The following PPM1G variants were observed in gnomAD, a reference collection of about 807,000 sequenced individuals.
PPM1G encodes protein phosphatase, Mg2+/Mn2+ dependent 1G, also known as protein phosphatase 1G.
A neutral mutation model predicts 59.4 loss-of-function variants in PPM1G; 12 were observed. The ratio of observed to expected loss-of-function variants is 0.20; its 90% CI spans 0.13 to 0.33. The LOEUF (loss-of-function observed/expected upper bound fraction) is 0.33. Among genes scored for constraint, PPM1G ranks in the 10% least tolerant of loss-of-function variants. The pLI, the probability that PPM1G is intolerant of heterozygous loss-of-function variation, is 1.00. For missense variants in PPM1G, 392 were observed against 681.3 expected (o/e 0.58, Z 4.73); for synonymous variants, 245 against 251.9 (o/e 0.97, Z 0.26).
chr2:27,400,264 T>G (rs1684151718), intron 1 of PPM1G, among the ~76,000 whole-genome samples: 1 of 151,808 alleles, frequency 6.6e-6, no homozygotes, highest in South Asian at 2.1e-4. Context: ...TAGCCGGGTG[T>G]GATGGTGGGT....
In PPM1G at chr2:27,385,097, A is replaced by G; in HGVS notation, c.410-9T>C. 6.3e-7 allele frequency: 1 copy of G among 1,583,162 alleles called. No homozygotes were observed. The highest frequency in any genetic ancestry group is 8.6e-7 in the Non-Finnish European group (1 of 1,166,916). ...AGCCTCCTCATTGTCCACTGCAGGG[A>G]AGAGGCTAAATCAGAGCCCCCATGC... On this transcript the variant is annotated splice_polypyrimidine_tract_variant and intron_variant, in intron 4 of 9. Transcript: ENST00000344034. The surrounding 1 kb of genome is among the most constrained non-coding windows in gnomAD (Gnocchi z 4.1).
At chr2:27,389,287 T>A (rs1683843270) in intron 1 of PPM1G, among the ~76,000 whole-genome samples, 1 of 152,234 alleles carries the variant, frequency 6.6e-6, no homozygotes, top group African/African-American at 2.4e-5. Context: ...TATTCTGCTC[T>A]GAAATTTAGC....
chr2:27,404,688 T>C (rs1215777885), intron 1 of PPM1G, among the ~76,000 whole-genome samples: 3 of 152,072 alleles, frequency 2.0e-5, no homozygotes, highest in African/African-American at 7.2e-5. Flanking sequence ...CTCACGCCTG[T>C]AATGCCAGCA....
intron 1 of PPM1G, among the ~76,000 whole-genome samples, chr2:27,387,715 G>A (rs1469676001): frequency 6.6e-6 from 1 of 152,140 alleles, no homozygotes. Flanking sequence ...TGGTCAGGCT[G>A]GTCTCGAACT....
At chr2:27,408,023 G>C (rs775120179) in intron 1 of PPM1G, among the ~76,000 whole-genome samples, 2 of 151,638 alleles carry the variant, frequency 1.3e-5, no homozygotes, top group Non-Finnish European at 2.9e-5. Context: ...TTCCAGCCTG[G>C]GCAACAAGAG....
chr2:27,401,624 G>C (rs889344080), intron 1 of PPM1G, among the ~76,000 whole-genome samples: 12 of 152,124 alleles, frequency 7.9e-5, no homozygotes, highest in African/African-American at 2.7e-4. Context: ...CCAGGAGTTC[G>C]AGACCAGCCT....
Position 27,386,177 on chromosome 2 carries a change from G to A in PPM1G, c.276+17C>T, listed in dbSNP as rs373452471. 55 of 1,593,040 alleles carry A rather than the reference G, an allele frequency of 3.5e-5. 1 individual carries two copies. In the East Asian group the frequency reaches 5.1e-4, roughly 15 times the overall value. On this transcript the variant is annotated intron_variant, in intron 3 of 9. Coordinates refer to ENST00000344034, the MANE Select transcript of PPM1G (RefSeq NM_177983.3). ...AAGCCTACACAAGTGAGGAATGGGC[G>A]GTGTAAGCAGACAGACCTTCTGTAG...
At chr2:27,400,331 G>A (rs1335569156) in intron 1 of PPM1G, among the ~76,000 whole-genome samples, 1 of 152,192 alleles carries the variant, frequency 6.6e-6, no homozygotes, top group Non-Finnish European at 1.5e-5. Context: ...TAACCCAGAA[G>A]GTGGAGGTTG....
intron 1 of PPM1G, among the ~76,000 whole-genome samples, chr2:27,407,543 A>T (rs554243169): frequency 3.2e-4 from 49 of 152,156 alleles, no homozygotes; most frequent in Non-Finnish European, 7.2e-4. Flanking sequence ...CTGGGATTAC[A>T]GACGTGAGCC....
intron 1 of PPM1G, among the ~76,000 whole-genome samples, chr2:27,398,454 C>G (rs1684102078): frequency 6.7e-6 from 1 of 148,744 alleles, no homozygotes; most frequent in African/African-American, 2.4e-5. Context: ...AGCTTCTTAA[C>G]AAAAACAAAC....
At chr2:27,390,403 TAC>T (rs1683870741) in intron 1 of PPM1G, among the ~76,000 whole-genome samples, 1 of 152,200 alleles carries the variant, frequency 6.6e-6, no homozygotes, top group South Asian at 2.1e-4. Context: ...AAGGTCTTAC[TAC>T]ACAGAGAATG....
At chr2:27,398,649 C>A (rs1231366685) in intron 1 of PPM1G, among the ~76,000 whole-genome samples, 1 of 151,754 alleles carries the variant, frequency 6.6e-6, no homozygotes, top group Non-Finnish European at 1.5e-5. Context: ...TGGTGAAACC[C>A]CGTCTCTACT....
intron 1 of PPM1G, among the ~76,000 whole-genome samples, chr2:27,387,876 G>A (rs1683807807): frequency 6.6e-6 from 1 of 152,064 alleles, no homozygotes; most frequent in African/African-American, 2.4e-5. Context: ...TCTGCTCACT[G>A]CAAGCTTCGC....
chr2:27,388,783 G>C (rs1010637756), intron 1 of PPM1G, among the ~76,000 whole-genome samples: 19 of 138,836 alleles, frequency 1.4e-4, no homozygotes, highest in African/African-American at 4.7e-4. Context: ...GCTGAGGCAG[G>C]AGAATGGCGT....
rs999668088 is a variant in PPM1G at position 27,409,550 on chromosome 2, G to A, written c.-128C>T. 8 of 1,220,560 alleles carry A rather than the reference G, an allele frequency of 6.6e-6. No homozygotes were observed. The highest frequency in any genetic ancestry group is 4.3e-5 in the Admixed American group (1 of 23,388). 75.6% of individuals were successfully genotyped at this position (1,220,560 alleles called of 1,614,324 possible). ...CGACCGACGCAAGGTGCCGGTGAAA[G>A]GCGCGAGGCCGGCCAGGAGGCGGTA... On this transcript the variant is annotated 5_prime_UTR_variant, in exon 1 of 10. Coordinates refer to ENST00000344034, the MANE Select transcript of PPM1G (RefSeq NM_177983.3).
At chr2:27,393,178 T>G in intron 1 of PPM1G, 1 of 1,500,630 alleles carries the variant, frequency 6.7e-7, no homozygotes, top group Non-Finnish European at 9.2e-7. Context: ...GCATGTTCCC[T>G]CTCCTCATGA....
Position 27,384,111 on chromosome 2 carries a change from C to T in PPM1G, c.826-19G>A, listed in dbSNP as rs377406603. The T allele has an allele frequency of 4.6e-5, 75 of 1,613,968 alleles. No homozygotes were observed. In the African/African-American group the frequency reaches 7.3e-4, roughly 16 times the overall value. ...TGCATTCCTGCCAGGGGGAGGATCC[C>T]AGACTGCTGAGACTGGGATGATCCC... On this transcript the variant is annotated intron_variant, in intron 5 of 9. Transcript: ENST00000344034. This position sits in a 1 kb window ranked among gnomAD's most constrained non-coding sequence, Gnocchi z 4.8.
chr2:27,404,806 T>C (rs1234361940), intron 1 of PPM1G, among the ~76,000 whole-genome samples: 1 of 151,554 alleles, frequency 6.6e-6, no homozygotes, highest in African/African-American at 2.4e-5. Context: ...TAGCCGGGCA[T>C]GGTGGCAGGC....
At chr2:27,386,330 A>G (rs1243435445) in intron 2 of PPM1G, 51 bp from the exon 3 acceptor site, 1 of 1,300,204 alleles carries the variant, frequency 7.7e-7, no homozygotes, top group Non-Finnish European at 1.1e-6. Context: ...CCACACATAG[A>G]AAGTGATACA....
Sources: allele counts gnomAD v4.1 joint callset (sites outside exome capture counted in the v4.1 genomes callset), GRCh38; gene constraint gnomAD v4.1.1; non-coding constraint Gnocchi (gnomAD v3.1); transcripts MANE v1.5; gene names NCBI Gene and HGNC (gene_info 2026-07-23, HGNC 2026-07-21).